Variants in RBPMS observed in about 807,000 individuals in gnomAD.
RBPMS encodes RNA binding protein, mRNA processing factor.
RBPMS carries 7 observed loss-of-function variants against 26.8 expected under a neutral mutation model. The observed-to-expected ratio is 0.26, with a 90% confidence interval of 0.15 to 0.49. The LOEUF is 0.49. Ranked by LOEUF, RBPMS falls within the 20% of genes least tolerant of loss-of-function variation. The pLI is 0.98. For missense variants in RBPMS, 186 were observed against 250.0 expected (o/e 0.74, Z 1.73); for synonymous variants, 96 against 93.3 (o/e 1.03, Z -0.17).
intron 7 of RBPMS, 149 bp from the exon 8 acceptor site, chr8:30,566,108 G>T: frequency 1.0e-5 from 2 of 193,722 alleles, no homozygotes; most frequent in Non-Finnish European, 1.9e-5. Context: ...GCAGCCTCTG[G>T]TCCTCAGCTC....
intron 1 of RBPMS, among the ~76,000 whole-genome samples, chr8:30,420,060 A>G (rs1361178406): frequency 1.3e-5 from 2 of 152,094 alleles, no homozygotes; most frequent in Non-Finnish European, 2.9e-5. Context: ...CCTTGTCTCA[A>G]CAAAAGAAAC....
chr8:30,487,801 T>G (rs928699949), intron 4 of RBPMS, among the ~76,000 whole-genome samples: 1 of 152,150 alleles, frequency 6.6e-6, no homozygotes, highest in Non-Finnish European at 1.5e-5. Context: ...AGCTAACATT[T>G]ATAGAAAAAT....
intron 4 of RBPMS, among the ~76,000 whole-genome samples, chr8:30,499,844 CTTACTT>C (rs1202088902): frequency 6.7e-6 from 1 of 150,264 alleles, no homozygotes; most frequent in Non-Finnish European, 1.5e-5. Flanking sequence ...ATGCTTGCTA[CTTACTT>C]TTAATCAGTT....
chr8:30,390,069 A>G (rs747378071), intron 1 of RBPMS, among the ~76,000 whole-genome samples: 3 of 152,208 alleles, frequency 2.0e-5, no homozygotes, highest in Non-Finnish European at 2.9e-5. Flanking sequence ...AAATAAATGT[A>G]TATTCATTCA....
intron 5 of RBPMS, among the ~76,000 whole-genome samples, chr8:30,540,239 C>T (rs1057121560): frequency 6.6e-6 from 1 of 151,876 alleles, no homozygotes; most frequent in Non-Finnish European, 1.5e-5. Context: ...AGTGTGTGGG[C>T]GAGAGGCAGG....
At chr8:30,515,492 CAATAT>C (rs146114433) in intron 5 of RBPMS, among the ~76,000 whole-genome samples, 7 of 152,110 alleles carry the variant, frequency 4.6e-5, no homozygotes, top group Admixed American at 1.3e-4. Flanking sequence ...ACAGCCAATA[CAATAT>C]GTTACAATAG....
intron 1 of RBPMS, among the ~76,000 whole-genome samples, chr8:30,417,054 A>G (rs1480358874): frequency 6.6e-6 from 1 of 152,194 alleles, no homozygotes; most frequent in Non-Finnish European, 1.5e-5. Context: ...TACAGGTGTG[A>G]ACCACTGCTC....
intron 1 of RBPMS, among the ~76,000 whole-genome samples, chr8:30,473,508 T>C (rs1817362792): frequency 6.6e-6 from 1 of 152,178 alleles, no homozygotes; most frequent in Admixed American, 6.5e-5. Context: ...GATTGTGCCT[T>C]AAACACAGTG....
intron 1 of RBPMS, among the ~76,000 whole-genome samples, chr8:30,460,681 C>T (rs1815777359): frequency 6.6e-6 from 1 of 152,044 alleles, no homozygotes; most frequent in African/African-American, 2.4e-5. Context: ...TTAAACAAAT[C>T]AGGAAAATTA....
At chr8:30,522,324 A>AAACAAC (rs144638380) in intron 5 of RBPMS, among the ~76,000 whole-genome samples, 8 of 151,030 alleles carry the variant, frequency 5.3e-5, no homozygotes, top group East Asian at 1.9e-4. Flanking sequence ...CTCCACCTCA[A>AAACAAC]AACAACAACA....
intron 1 of RBPMS, among the ~76,000 whole-genome samples, chr8:30,386,689 C>T (rs562495077): frequency 1.1e-4 from 16 of 152,028 alleles, no homozygotes; most frequent in South Asian, 4.1e-4. Context: ...AAAATAATGA[C>T]AAGTGTGCTT....
chr8:30,515,219 G>A (rs1179042227), intron 5 of RBPMS, among the ~76,000 whole-genome samples: 1 of 151,430 alleles, frequency 6.6e-6, no homozygotes, highest in Non-Finnish European at 1.5e-5. Flanking sequence ...CCATCCTCCT[G>A]CCTTAGCCTC....
chr8:30,553,219 G>C (rs1826544713), intron 6 of RBPMS: 1 of 152,262 alleles, frequency 6.6e-6, no homozygotes, highest in African/African-American at 2.4e-5. Flanking sequence ...CTGGGGGGCA[G>C]GGAGAAGAGG....
Position 30,384,918 on chromosome 8 carries a change from GCCCCAGCCCAA to G in RBPMS, c.-171_-161del. 2.6e-6 allele frequency: 1 copy of G among 387,472 alleles called. No individual in the cohort carries two copies. Among genetic ancestry groups the G allele is most frequent in the Non-Finnish European group, 4.5e-6 (1 of 222,952 alleles). 24.0% of individuals were successfully genotyped at this position (387,472 alleles called of 1,614,324 possible). On this transcript the variant is annotated 5_prime_UTR_variant, in exon 1 of 9. Coordinates refer to ENST00000397323, the MANE Select transcript of RBPMS (RefSeq NM_001008710.3). This position sits in a 1 kb window ranked among gnomAD's most constrained non-coding sequence, Gnocchi z 5.6. The stretch of plus-strand genomic sequence containing the variant: ...CCGCCGTCGCAGACTCGCCGCGGGA[GCCCCAGCCCAA>G]CCCGAGCCCGACAGCCACTGCCCCG...
chr8:30,547,613 TGACACCAAGTCTATTTTACATAGAAG>T (rs1474144905), intron 6 of RBPMS: 1 of 738,296 alleles, frequency 1.4e-6, no homozygotes, highest in Non-Finnish European at 2.0e-6. Context: ...ATTGGGCCTG[TGACACCAAGTCTATTTTACATAGAAG>T]GACTCAGAAC....
In RBPMS at chr8:30,489,834, G is replaced by A. The variant is rs184418245; in HGVS notation, c.246+10457G>A. Among the ~76,000 whole-genome samples the A allele has an allele frequency of 8.5e-3, 1,272 of 150,078 alleles. 15 individuals carry two copies. The highest frequency in any genetic ancestry group is 0.013 in the Non-Finnish European group (885 of 67,596). ...TTTTGTTTTGTTTTGTTTTTGAGAC[G>A]GAGTCTCGCTGTGTTACCCAGGCTG... On this transcript the variant is annotated intron_variant, in intron 4 of 8. Transcript: ENST00000397323.
At chr8:30,458,752 C>T (rs984243435) in intron 1 of RBPMS, among the ~76,000 whole-genome samples, 2 of 152,130 alleles carry the variant, frequency 1.3e-5, no homozygotes, top group African/African-American at 4.8e-5. Context: ...CTCACTGTCA[C>T]TCAGGCTGGA....
At chr8:30,502,077 T>A (rs1477112985) in intron 4 of RBPMS, among the ~76,000 whole-genome samples, 4 of 152,104 alleles carry the variant, frequency 2.6e-5, no homozygotes. Context: ...ATGTGGCTTG[T>A]ATTCTAAGCC....
At position 30,568,735 on chromosome 8, in the gene RBPMS, T is replaced by C. The variant is rs148116894; in HGVS notation, c.*112-1902T>C. On this transcript the variant is annotated intron_variant, in intron 8 of 8. Coordinates refer to ENST00000397323, the MANE Select transcript of RBPMS (RefSeq NM_001008710.3). The stretch of plus-strand genomic sequence containing the variant: ...CGTGGGGCTGTGTTCCCAGATGTCT[T>C]TGGATTCTGTTTAAAATGTCCTTGT... 2.0e-3 allele frequency among the ~76,000 whole-genome samples: 307 copies of C among 152,296 alleles called. 1 individual carries two copies. Among genetic ancestry groups the C allele is most frequent in the Non-Finnish European group, 3.8e-3 (260 of 68,010 alleles).
Sources: gnomAD v4.1 joint callset for allele counts (sites outside exome capture counted in the v4.1 genomes callset) on GRCh38, gnomAD v4.1.1 for gene constraint, Gnocchi (gnomAD v3.1) non-coding constraint, MANE v1.5 for transcripts, NCBI Gene and HGNC (gene_info 2026-07-23, HGNC 2026-07-21) for gene names.